GNA13: variants seen among roughly 807,000 people sequenced by gnomAD.
GNA13 encodes G protein subunit alpha 13, also known as guanine nucleotide-binding protein subunit alpha-13.
Under a neutral mutation model 33.5 loss-of-function variants are expected in GNA13, and 4 were observed. That is an observed-to-expected ratio of 0.12 (90% CI 0.06 to 0.27). The LOEUF (loss-of-function observed/expected upper bound fraction) is 0.27. Ranked by LOEUF, GNA13 falls within the 10% of genes least tolerant of loss-of-function variation. The pLI is 1.00. For missense variants in GNA13, 319 were observed against 487.2 expected (o/e 0.65, Z 3.25); for synonymous variants, 176 against 183.8 (o/e 0.96, Z 0.34).
intron 2 of GNA13, among the ~76,000 whole-genome samples, chr17:65,022,812 G>T (rs141903750): frequency 7.2e-5 from 11 of 152,228 alleles, no homozygotes; most frequent in Admixed American, 3.9e-4. Flanking sequence ...ATGTTTGATT[G>T]TAACAGCTGA....
intron 2 of GNA13, among the ~76,000 whole-genome samples, chr17:65,025,517 G>C (rs1440954449): frequency 1.3e-5 from 2 of 152,300 alleles, no homozygotes; most frequent in Non-Finnish European, 1.5e-5. Context: ...TACTGAACGT[G>C]CTGAGAAGCG....
At chr17:65,037,965 T>A (rs946542145) in intron 2 of GNA13, among the ~76,000 whole-genome samples, 18 of 152,074 alleles carry the variant, frequency 1.2e-4, no homozygotes, top group African/African-American at 4.3e-4. Context: ...TGTTCTGGAT[T>A]CAAGACTCAT....
chr17:65,010,435 C>T lies in GNA13; in HGVS notation c.*3822G>A, dbSNP rs1320423459. 6.6e-6 allele frequency among the ~76,000 whole-genome samples: 1 copy of T among 152,054 alleles called. No homozygotes were observed. The highest frequency in any genetic ancestry group is 2.4e-5 in the African/African-American group (1 of 41,400). On this transcript the variant is annotated 3_prime_UTR_variant, in exon 4 of 4. Transcript: ENST00000439174. ...TGGGACATGCGGACACACCCACACCCACCCACAATCTCTCCCCTCCTCATG... is the reference window on the plus strand; with the variant it reads ...TGGGACATGCGGACACACCCACACCTACCCACAATCTCTCCCCTCCTCATG...
At chr17:65,025,533 G>A (rs969118243) in intron 2 of GNA13, among the ~76,000 whole-genome samples, 3 of 152,152 alleles carry the variant, frequency 2.0e-5, no homozygotes, top group Non-Finnish European at 4.4e-5. Flanking sequence ...AAGCGCGGAT[G>A]GGAAAAGTTA....
At chr17:65,042,357 CAAAAAAA>C (rs369887415) in intron 2 of GNA13, among the ~76,000 whole-genome samples, 5 of 62,244 alleles carry the variant, frequency 8.0e-5, no homozygotes, top group Non-Finnish European at 1.8e-4. Flanking sequence ...AACTCCGTCT[CAAAAAAA>C]AAAAAAAAAA....
rs977470037 is a variant in GNA13 at position 65,009,938 on chromosome 17, A to C, written c.*4319T>G. ...AAAGTCACATACCAAGTAGTATATG[A>C]CGTTCAGTGATATTCACTGACTGAA... On this transcript the variant is annotated 3_prime_UTR_variant, in exon 4 of 4. Transcript: ENST00000439174. 8.5e-5 allele frequency among the ~76,000 whole-genome samples: 13 copies of C among 152,354 alleles called. No individual in the cohort carries two copies. The highest frequency in any genetic ancestry group is 3.1e-4 in the African/African-American group (13 of 41,582).
chr17:65,036,772 G>A (rs1171474383), intron 2 of GNA13, among the ~76,000 whole-genome samples: 4 of 152,212 alleles, frequency 2.6e-5, no homozygotes, highest in Non-Finnish European at 5.9e-5. Context: ...CTTCACCTCT[G>A]TGGCCATATG....
chr17:65,028,854 C>T lies in GNA13; in HGVS notation c.511-10551G>A, dbSNP rs920632742. Reference sequence around the variant, plus strand: ...CTACACACCTTCCAGAGAGCTACAGCCTCTACATGCAGTCTCTAGAATCTA... The same window carrying T: ...CTACACACCTTCCAGAGAGCTACAGTCTCTACATGCAGTCTCTAGAATCTA... On this transcript the variant is annotated intron_variant, in intron 2 of 3. Transcript: ENST00000439174. 1.9e-4 allele frequency among the ~76,000 whole-genome samples: 29 copies of T among 152,140 alleles called. 1 individual carries two copies. The highest frequency in any genetic ancestry group is 1.7e-3 in the Admixed American group (26 of 15,272).
intron 2 of GNA13, among the ~76,000 whole-genome samples, chr17:65,036,865 T>C (rs1048561024): frequency 1.3e-4 from 20 of 152,248 alleles, no homozygotes; most frequent in African/African-American, 4.8e-4. Context: ...CTGCACACTC[T>C]TGGCAGAACA....
intron 2 of GNA13, among the ~76,000 whole-genome samples, chr17:65,045,507 C>CAAAAAAA (rs369520601): frequency 2.3e-5 from 2 of 86,962 alleles, no homozygotes; most frequent in Non-Finnish European, 2.1e-5. Flanking sequence ...GACTCTGTCT[C>CAAAAAAA]AAAAAAAAAA....
At chr17:65,026,231 A>C (rs1199802365) in intron 2 of GNA13, among the ~76,000 whole-genome samples, 1 of 151,862 alleles carries the variant, frequency 6.6e-6, no homozygotes, top group Admixed American at 6.6e-5. Context: ...AGACAACACA[A>C]AAATCACATC....
chr17:65,048,722 T>TA (rs1907757318), intron 2 of GNA13, among the ~76,000 whole-genome samples: 1 of 152,232 alleles, frequency 6.6e-6, no homozygotes, highest in Non-Finnish European at 1.5e-5. Flanking sequence ...TAAGCTGTGT[T>TA]ATCAACACCC....
chr17:65,047,901 C>G (rs780156737), intron 2 of GNA13, among the ~76,000 whole-genome samples: 4 of 152,204 alleles, frequency 2.6e-5, no homozygotes, highest in Non-Finnish European at 5.9e-5. Flanking sequence ...ACAGGCCAAT[C>G]ATGGAGCTAA....
Position 65,013,087 on chromosome 17 carries a change from C to T in GNA13, c.*1170G>A, listed in dbSNP as rs1906248174. On this transcript the variant is annotated 3_prime_UTR_variant, in exon 4 of 4. Coordinates refer to ENST00000439174, the MANE Select transcript of GNA13 (RefSeq NM_006572.6). ...TCCTTAAAACATTTAAAATATACCT[C>T]AAAAAAGCTGGACTTTCAACAACAA... 4.9e-6 allele frequency: 1 copy of T among 206,130 alleles called. No homozygotes were observed. The highest frequency in any genetic ancestry group is 9.9e-6 in the Non-Finnish European group (1 of 100,998). The allele number at this position is 206,130 out of a possible 1,614,324, so 12.8% of individuals were successfully genotyped here. A position where few individuals can be genotyped will look rare whatever the true frequency, so the allele number is the denominator to read the frequency against.
At chr17:65,025,663 A>T (rs1419512526) in intron 2 of GNA13, among the ~76,000 whole-genome samples, 1 of 152,170 alleles carries the variant, frequency 6.6e-6, no homozygotes, top group East Asian at 1.9e-4. Flanking sequence ...TAGGTAAATA[A>T]GCAATTAAAA....
intron 2 of GNA13, among the ~76,000 whole-genome samples, chr17:65,032,544 T>G (rs1205714669): frequency 6.6e-6 from 1 of 152,218 alleles, no homozygotes; most frequent in Non-Finnish European, 1.5e-5. Flanking sequence ...TAGGTCTTTC[T>G]CCCTTTAATT....
In GNA13 at chr17:65,036,742, G is replaced by A. The variant is rs541491787; in HGVS notation, c.510+16760C>T. Among the ~76,000 whole-genome samples, 121 of 152,304 alleles carry A rather than the reference G, an allele frequency of 7.9e-4. 1 individual carries two copies. The highest frequency in any genetic ancestry group is 9.8e-4 in the Non-Finnish European group (67 of 68,026). Reference sequence around the variant, plus strand: ...TATATAAATAAATAAAACTAGCTGTGACCTTAGCCTCTATGTGTCCTTCAC... The same window carrying A: ...TATATAAATAAATAAAACTAGCTGTAACCTTAGCCTCTATGTGTCCTTCAC... On this transcript the variant is annotated intron_variant, in intron 2 of 3. Transcript: ENST00000439174.
chr17:65,041,681 C>T lies in GNA13; in HGVS notation c.510+11821G>A, dbSNP rs558917366. Among the ~76,000 whole-genome samples, 11 of 152,126 alleles carry T rather than the reference C, an allele frequency of 7.2e-5. No individual in the cohort carries two copies. The South Asian group carries it at 2.3e-3, about 32-fold the overall frequency. ...CGTGGAAGGGGTGTGGGGAGCACCTCAGAGACAAAGGTGAAGGAAGAGGGG... is the reference window on the plus strand; with the variant it reads ...CGTGGAAGGGGTGTGGGGAGCACCTTAGAGACAAAGGTGAAGGAAGAGGGG... On this transcript the variant is annotated intron_variant, in intron 2 of 3. Transcript: ENST00000439174.
Position 65,014,864 on chromosome 17 carries a change from T to G in GNA13, c.562-35A>C. 11 of 1,356,226 alleles carry G rather than the reference T, an allele frequency of 8.1e-6. No homozygotes were observed. The highest frequency in any genetic ancestry group is 1.1e-5 in the Non-Finnish European group (11 of 969,684). The allele number at this position is 1,356,226 out of a possible 1,614,324, so 84.0% of individuals were successfully genotyped here. A position where few individuals can be genotyped will look rare whatever the true frequency, so the allele number is the denominator to read the frequency against. ...AAAAAACTTGTTTTATACCTATTAA[T>G]CCCGAAGTAATGCGAATTTTTAATG... On this transcript the variant is annotated intron_variant, in intron 3 of 3. Coordinates refer to ENST00000439174, the MANE Select transcript of GNA13 (RefSeq NM_006572.6). This position sits in a 1 kb window ranked among gnomAD's most constrained non-coding sequence, Gnocchi z 5.3.
Sources: allele counts gnomAD v4.1 joint callset (sites outside exome capture counted in the v4.1 genomes callset), GRCh38; gene constraint gnomAD v4.1.1; non-coding constraint Gnocchi (gnomAD v3.1); transcripts MANE v1.5; gene names NCBI Gene and HGNC (gene_info 2026-07-23, HGNC 2026-07-21).